The following THADA variants were observed in gnomAD, a reference collection of about 807,000 sequenced individuals.
The protein encoded by THADA is tRNA (32-2'-O)-methyltransferase regulator THADA.
Under a neutral mutation model 219.8 loss-of-function variants are expected in THADA, and 213 were observed. The observed-to-expected ratio is 0.97, with a 90% CI of 0.87 to 1.09. The LOEUF (loss-of-function observed/expected upper bound fraction) is 1.09, where lower values mean the gene tolerates loss of function less well. Ranked by LOEUF, THADA falls within the 50% of genes least tolerant of loss-of-function variation. The pLI is 0.00. For missense variants in THADA, 2,956 were observed against 2,311.3 expected (o/e 1.28, Z -5.72); for synonymous variants, 1,018 against 828.9 (o/e 1.23, Z -3.92).
intron 37 of THADA, among the ~76,000 whole-genome samples, chr2:43,232,163 CTT>C (rs987967009): frequency 6.6e-6 from 1 of 151,898 alleles, no homozygotes; most frequent in South Asian, 2.1e-4. Flanking sequence ...CCAGGGGCTT[CTT>C]TTTTTCTTTT....
chr2:43,413,728 A>G (rs1391002828), intron 28 of THADA, among the ~76,000 whole-genome samples: 3 of 152,236 alleles, frequency 2.0e-5, no homozygotes, highest in African/African-American at 7.2e-5. Context: ...GTATGTTTGT[A>G]TGATGGTGAC....
At position 43,438,299 on chromosome 2, in the gene THADA, C is replaced by CAAA. The variant is rs56108896; in HGVS notation, c.3837-8000_3837-7998dup. On this transcript the variant is annotated intron_variant, in intron 26 of 37. Coordinates refer to ENST00000405975, the MANE Select transcript of THADA (RefSeq NM_022065.5). ...CCTGGGAGACAGAGCGACTCCATCT[C>CAAA]AAAAAAAAAAAAAAAAAAACCCAAA... Among the ~76,000 whole-genome samples the CAAA allele has an allele frequency of 8.4e-3, 722 of 85,564 alleles. 21 individuals are homozygous for CAAA. Among genetic ancestry groups the CAAA allele is most frequent in the African/African-American group, 0.022 (475 of 21,230 alleles). The allele number at this position is 85,564 out of a possible 152,430, so 56.1% of individuals were successfully genotyped here.
intron 36 of THADA, among the ~76,000 whole-genome samples, chr2:43,252,306 C>G (rs574546879): frequency 1.1e-3 from 165 of 152,356 alleles, no homozygotes; most frequent in African/African-American, 3.9e-3. Flanking sequence ...AGAACTGTTT[C>G]AACTCAAGAT....
Position 43,397,993 on chromosome 2 carries a change from T to C in THADA, c.4205A>G (p.His1402Arg), listed in dbSNP as rs1275074355. 1 of 1,613,874 alleles carries C rather than the reference T, an allele frequency of 6.2e-7. No homozygotes were observed. Among genetic ancestry groups the C allele is most frequent in the Non-Finnish European group, 8.5e-7 (1 of 1,179,806 alleles). ...TACCTGGAGAAGTGTCCCATGAATG[T>C]GGTTTTGCCGGAAACACTGGTCAGT... is the stretch of plus-strand genomic sequence containing the variant. ...SCTDQCFRQN[H>R]IHGTLLQVFH... The change falls in exon 29 of 38, where the codon CAC becomes CGC. Residue 1402 changes from histidine to arginine, a missense_variant. By Grantham distance (29) the His-to-Arg change is conservative. Coordinates refer to ENST00000405975, the MANE Select transcript of THADA (RefSeq NM_022065.5).
At chr2:43,492,680 T>C (rs1192533348) in intron 25 of THADA, among the ~76,000 whole-genome samples, 1 of 152,208 alleles carries the variant, frequency 6.6e-6, no homozygotes, top group African/African-American at 2.4e-5. Flanking sequence ...TTCCATCACT[T>C]CTTAGCCATG....
intron 36 of THADA, among the ~76,000 whole-genome samples, chr2:43,256,046 A>G (rs1670274955): frequency 1.3e-5 from 2 of 152,240 alleles, no homozygotes; most frequent in Admixed American, 1.3e-4. Context: ...CAAGGGGCAC[A>G]TAACTATTCT....
chr2:43,287,677 G>C (rs187811459), intron 34 of THADA, among the ~76,000 whole-genome samples: 1 of 152,144 alleles, frequency 6.6e-6, no homozygotes, highest in South Asian at 2.1e-4. Context: ...AACTTGTGGG[G>C]AAAGACTGTC....
rs1701104730 is a variant in THADA at position 43,587,061 on chromosome 2, G to C, written c.303-59C>G. On this transcript the variant is annotated intron_variant, in intron 4 of 37. Coordinates refer to ENST00000405975, the MANE Select transcript of THADA (RefSeq NM_022065.5). ...ATCTAATAGCCCCAGAATATGTGGA[G>C]AGGGAAGAGAATCATACAAATGTGG... is the stretch of plus-strand genomic sequence containing the variant. 2.0e-6 allele frequency: 3 copies of C among 1,514,702 alleles called. No homozygotes were observed. The South Asian group carries it at 3.6e-5, about 18-fold the overall frequency. The allele number at this position is 1,514,702 out of a possible 1,614,324, so 93.8% of individuals were successfully genotyped here.
intron 29 of THADA, among the ~76,000 whole-genome samples, chr2:43,388,927 AATC>A (rs1673025613): frequency 6.6e-6 from 1 of 152,098 alleles, no homozygotes; most frequent in Non-Finnish European, 1.5e-5. Context: ...TTACATTTTT[AATC>A]ATAACCCCCT....
Position 43,430,228 on chromosome 2 carries a change from GC to G in THADA, c.3910del (p.Ala1304ProfsTer4), listed in dbSNP as rs1249930409. 5 of 1,541,608 alleles carry G rather than the reference GC, an allele frequency of 3.2e-6. No individual in the cohort carries two copies. Among genetic ancestry groups the G allele is most frequent in the African/African-American group, 2.7e-5 (2 of 72,898 alleles). ...CTCTTCTTACCTGTCTACTGTATTG[GC>G]TACAGTTTCCAACTGTTTGAGAAGA... ...PFLLKQLETV[A>X]NTVDSDMGEP... On this transcript the variant is annotated frameshift_variant, in exon 27 of 38. Transcript: ENST00000405975. LOFTEE classifies it high-confidence loss of function.
intron 26 of THADA, among the ~76,000 whole-genome samples, chr2:43,456,430 G>A (rs1236921663): frequency 1.3e-5 from 2 of 152,188 alleles, no homozygotes; most frequent in African/African-American, 2.4e-5. Context: ...GGGTGGGAAT[G>A]AGGAAATGCA....
intron 22 of THADA, among the ~76,000 whole-genome samples, chr2:43,514,661 A>ATAATAATATATAATATATTATATTAT (rs1691006805): frequency 1.2e-5 from 1 of 85,848 alleles, no homozygotes; most frequent in African/African-American, 5.5e-5. Context: ...TATATTGTAT[A>ATAATAATATATAATATATTATATTAT]TAATAATATA....
intron 20 of THADA, among the ~76,000 whole-genome samples, chr2:43,542,303 C>A (rs1335032970): frequency 6.6e-6 from 1 of 152,066 alleles, no homozygotes. Flanking sequence ...AGAAGGAAGA[C>A]ATGGAATTGG....
intron 30 of THADA, among the ~76,000 whole-genome samples, chr2:43,336,065 C>T (rs1273508604): frequency 6.6e-6 from 1 of 151,446 alleles, no homozygotes; most frequent in Non-Finnish European, 1.5e-5. Flanking sequence ...CCACTGCACT[C>T]CAGCCTGGGT....
chr2:43,283,112 C>A (rs952308417), intron 35 of THADA, among the ~76,000 whole-genome samples: 3 of 152,214 alleles, frequency 2.0e-5, no homozygotes, highest in African/African-American at 4.8e-5. Flanking sequence ...TCTCCCTGCT[C>A]TCTGACTCTC....
chr2:43,529,149 CTT>C (rs201480981), intron 21 of THADA, among the ~76,000 whole-genome samples: 3 of 150,914 alleles, frequency 2.0e-5, no homozygotes, highest in African/African-American at 7.3e-5. Context: ...ACAAATATGA[CTT>C]TTTTTAAAAA....
intron 15 of THADA, chr2:43,565,779 C>G (rs914333581): frequency 6.6e-6 from 1 of 152,286 alleles, no homozygotes. Context: ...CATATACACA[C>G]ATATACAGGG....
Position 43,541,074 on chromosome 2 carries a change from CT to C in THADA, c.3264+84del, listed in dbSNP as rs1432352063. The C allele has an allele frequency of 1.1e-4, 151 of 1,337,916 alleles. No homozygotes were observed. In the East Asian group the frequency reaches 3.7e-3, roughly 33 times the overall value. 82.9% of individuals were successfully genotyped at this position (1,337,916 alleles called of 1,614,324 possible). On this transcript the variant is annotated intron_variant, in intron 21 of 37. Coordinates refer to ENST00000405975, the MANE Select transcript of THADA (RefSeq NM_022065.5). ...ATTTTATTCAAGAAAAATTTTAAACCTTTTTTTAGAGTTGGGTTATAAAAAA... is the reference window on the plus strand; with the variant it reads ...ATTTTATTCAAGAAAAATTTTAAACCTTTTTTAGAGTTGGGTTATAAAAAA...
intron 14 of THADA, among the ~76,000 whole-genome samples, chr2:43,568,645 A>AC (rs1698948338): frequency 6.6e-6 from 1 of 152,238 alleles, no homozygotes; most frequent in Admixed American, 6.5e-5. Context: ...ATGTCATTTT[A>AC]CCCCTTGCAA....
Sources: gnomAD v4.1 joint callset for allele counts (sites outside exome capture counted in the v4.1 genomes callset) on GRCh38, gnomAD v4.1.1 for gene constraint, MANE v1.5 for transcripts, NCBI Gene and HGNC (gene_info 2026-07-23, HGNC 2026-07-21) for gene names.